The following KCNAB1 variants were observed in gnomAD, a reference collection of about 807,000 sequenced individuals.
KCNAB1 encodes potassium voltage-gated channel subfamily A regulatory beta subunit 1.
A neutral mutation model predicts 64.6 loss-of-function variants in KCNAB1; 35 were observed. The observed-to-expected ratio is 0.54, with a 90% confidence interval of 0.41 to 0.72. The LOEUF (loss-of-function observed/expected upper bound fraction) is 0.72, where lower values mean the gene tolerates loss of function less well. KCNAB1 is among the 30% of genes least tolerant of loss of function. KCNAB1 has a pLI of 0.00. For missense variants in KCNAB1, 401 were observed against 512.9 expected (o/e 0.78, Z 2.11); for synonymous variants, 177 against 183.8 (o/e 0.96, Z 0.30).
chr3:156,388,636 G>A (rs1275701183), intron 1 of KCNAB1, among the ~76,000 whole-genome samples: 4 of 152,200 alleles, frequency 2.6e-5, no homozygotes, highest in African/African-American at 4.8e-5. Context: ...AGAGGAAGTC[G>A]AGGTAAATTT....
chr3:156,145,568 C>T (rs1714988580), intron 1 of KCNAB1, among the ~76,000 whole-genome samples: 1 of 151,982 alleles, frequency 6.6e-6, no homozygotes, highest in Non-Finnish European at 1.5e-5. Context: ...ATTTTTCCCC[C>T]TCAGGAAAAA....
At chr3:156,484,950 T>G (rs1715092866) in intron 8 of KCNAB1, among the ~76,000 whole-genome samples, 1 of 152,210 alleles carries the variant, frequency 6.6e-6, no homozygotes, top group African/African-American at 2.4e-5. Context: ...AGCTTCTCAG[T>G]TTTTCATTTG....
At chr3:156,205,454 A>C (rs960070374) in intron 1 of KCNAB1, among the ~76,000 whole-genome samples, 24 of 152,196 alleles carry the variant, frequency 1.6e-4, no homozygotes, top group Admixed American at 1.4e-3. Flanking sequence ...GGCGTTAATA[A>C]ATATAAAAGT....
At chr3:156,483,719 C>T (rs1714999020) in intron 8 of KCNAB1, among the ~76,000 whole-genome samples, 1 of 152,138 alleles carries the variant, frequency 6.6e-6, no homozygotes, top group Admixed American at 6.6e-5. Flanking sequence ...CAGTTGTTGA[C>T]ATGTTGCCTC....
chr3:156,357,034 G>A (rs1438744785), intron 1 of KCNAB1, among the ~76,000 whole-genome samples: 4 of 152,130 alleles, frequency 2.6e-5, no homozygotes, highest in Non-Finnish European at 4.4e-5. Flanking sequence ...AAATGGTGAA[G>A]TGAAAGAAAC....
intron 1 of KCNAB1, among the ~76,000 whole-genome samples, chr3:156,399,215 G>A (rs1174497741): frequency 6.6e-6 from 1 of 152,226 alleles, no homozygotes; most frequent in African/African-American, 2.4e-5. Flanking sequence ...CAAGGAGCCT[G>A]CAATCTGTCT....
intron 3 of KCNAB1, 118 bp downstream of exon 3, chr3:156,453,054 A>G (rs983284125): frequency 1.3e-5 from 8 of 594,946 alleles, no homozygotes; most frequent in African/African-American, 1.9e-5. Flanking sequence ...ATTCACAGGA[A>G]ATGGTAAAAT....
intron 1 of KCNAB1, among the ~76,000 whole-genome samples, chr3:156,169,695 T>C (rs1168894754): frequency 1.3e-5 from 2 of 152,194 alleles, no homozygotes; most frequent in East Asian, 1.9e-4. Flanking sequence ...AGAGTCCTCA[T>C]GGGATCGGAC....
At chr3:156,130,720 C>T (rs373688014) in intron 1 of KCNAB1, among the ~76,000 whole-genome samples, 5 of 152,230 alleles carry the variant, frequency 3.3e-5, no homozygotes, top group African/African-American at 1.2e-4. Context: ...TCACTTTTCA[C>T]CTTCACTTTC....
At chr3:156,457,817 G>A (rs1365069555) in intron 4 of KCNAB1, among the ~76,000 whole-genome samples, 1 of 152,248 alleles carries the variant, frequency 6.6e-6, no homozygotes, top group African/African-American at 2.4e-5. Context: ...GGGCAGCGGA[G>A]TCTGATGCCA....
intron 12 of KCNAB1, among the ~76,000 whole-genome samples, chr3:156,529,385 G>A (rs1559932691): frequency 6.6e-6 from 1 of 151,822 alleles, no homozygotes; most frequent in East Asian, 1.9e-4. Context: ...AAATGGTGAA[G>A]GTTGCACCTT....
chr3:156,139,428 G>A (rs187111859), intron 1 of KCNAB1, among the ~76,000 whole-genome samples: 27 of 152,112 alleles, frequency 1.8e-4, no homozygotes, highest in African/African-American at 5.5e-4. Flanking sequence ...TTGGCCCTCC[G>A]CTGGCACCAC....
intron 1 of KCNAB1, among the ~76,000 whole-genome samples, chr3:156,360,516 C>G (rs1375348295): frequency 2.0e-5 from 3 of 152,002 alleles, no homozygotes; most frequent in Non-Finnish European, 4.4e-5. Context: ...TTGAGGCCAC[C>G]CTGGGCAACA....
chr3:156,463,232 C>T (rs1713064465), intron 5 of KCNAB1, among the ~76,000 whole-genome samples: 1 of 152,156 alleles, frequency 6.6e-6, no homozygotes, highest in Non-Finnish European at 1.5e-5. Context: ...GTGGAGTCCT[C>T]CTGGGAGGAG....
At chr3:156,525,258 G>A (rs1416950757) in intron 12 of KCNAB1, among the ~76,000 whole-genome samples, 1 of 151,914 alleles carries the variant, frequency 6.6e-6, no homozygotes, top group Admixed American at 6.6e-5. Context: ...GTGTTTTACT[G>A]CCCCTGAAGA....
At position 156,266,827 on chromosome 3, in the gene KCNAB1, C is replaced by T. The variant is rs541341914; in HGVS notation, c.275+145941C>T. 5.3e-5 allele frequency among the ~76,000 whole-genome samples: 8 copies of T among 152,270 alleles called. No homozygotes were observed. The South Asian group carries it at 1.7e-3, about 32-fold the overall frequency. On this transcript the variant is annotated intron_variant, in intron 1 of 13. Transcript: ENST00000490337. Reference sequence around the variant, plus strand: ...ATTCTGGATAGTCTGTCCCCAGATGCTTGTTTATTATAAAGTAAACTGAGT... The same window carrying T: ...ATTCTGGATAGTCTGTCCCCAGATGTTTGTTTATTATAAAGTAAACTGAGT...
intron 8 of KCNAB1, among the ~76,000 whole-genome samples, chr3:156,509,414 G>A (rs992404404): frequency 7.2e-5 from 11 of 152,004 alleles, no homozygotes; most frequent in Non-Finnish European, 1.6e-4. Context: ...GCTGGTCCAG[G>A]AGCTACACCC....
At chr3:156,395,212 A>G (rs574552905) in intron 1 of KCNAB1, among the ~76,000 whole-genome samples, 1 of 152,252 alleles carries the variant, frequency 6.6e-6, no homozygotes, top group South Asian at 2.1e-4. Context: ...TACTTAATCA[A>G]TAAATTTTCA....
At position 156,224,240 on chromosome 3, in the gene KCNAB1, C is replaced by T. The variant is rs554234765; in HGVS notation, c.275+103354C>T. On this transcript the variant is annotated intron_variant, in intron 1 of 13. Transcript: ENST00000490337. ...TCTGAGTGCGGGCCCACTGAGCCCA[C>T]GCCCACCCGGAACTCGTGCTGGCCC... Among the ~76,000 whole-genome samples the T allele has an allele frequency of 1.2e-4, 19 of 152,326 alleles. No individual in the cohort carries two copies. The South Asian group carries it at 2.5e-3, about 20-fold the overall frequency.
Sources: allele counts gnomAD v4.1 joint callset (sites outside exome capture counted in the v4.1 genomes callset), GRCh38; gene constraint gnomAD v4.1.1; transcripts MANE v1.5; gene names NCBI Gene and HGNC (gene_info 2026-07-23, HGNC 2026-07-21).